LRRK2: variants seen among roughly 807,000 people sequenced by gnomAD.
LRRK2 encodes leucine rich repeat kinase 2.
LRRK2 carries 203 observed loss-of-function variants against 302.6 expected under a neutral mutation model. The observed-to-expected ratio is 0.67, with a 90% confidence interval of 0.60 to 0.75. The LOEUF is 0.75. Ranked by LOEUF, LRRK2 falls within the 30% of genes least tolerant of loss-of-function variation. The probability of loss-of-function intolerance (pLI) is 0.00; values close to 1 mark genes in which losing one functional copy is unlikely to be tolerated. For synonymous variants in LRRK2, 1,066 were observed against 1,031.9 expected, an observed-to-expected ratio of 1.03 and a Z score of -0.63; for missense variants, 2,830 against 2,951.0, an observed-to-expected ratio of 0.96 and a Z score of 0.95.
chr12:40,354,392 C>G lies in LRRK2; in HGVS notation c.6670C>G (p.Leu2224Val). Residue 2224 changes from leucine to valine, a missense_variant, in exon 45 of 51, where the codon CTC becomes GTC. Physicochemically the swap from Leu to Val is conservative, Grantham distance 32 (BLOSUM62 1). Coordinates refer to ENST00000298910, the MANE Select transcript of LRRK2 (RefSeq NM_198578.4). ...WIVSGTQSGT[L>V]LVINTEDGKK... ...TGTGTCTGGGACACAGTCTGGTACT[C>G]TCCTGGTCATCAATACCGAAGATGG... The G allele has an allele frequency of 6.2e-7, 1 of 1,614,066 alleles. No homozygotes were observed. The highest frequency in any genetic ancestry group is 1.1e-5 in the South Asian group (1 of 91,082).
intron 25 of LRRK2, chr12:40,300,819 G>A (rs138918107): frequency 2.1e-6 from 1 of 471,122 alleles, no homozygotes; most frequent in Non-Finnish European, 4.4e-6. Context: ...AAAGTTTCAG[G>A]ATGCTCTGTG....
At chr12:40,303,675 C>A (rs10878341) in intron 26 of LRRK2, among the ~76,000 whole-genome samples, 17 of 151,902 alleles carry the variant, frequency 1.1e-4, no homozygotes, top group African/African-American at 3.9e-4. Context: ...TACTCTACAG[C>A]GGTTCATCTC....
rs1946005964 is a variant in LRRK2 at position 40,340,467 on chromosome 12, G to T, written c.6109+13G>T. The T allele has an allele frequency of 6.2e-7, 1 of 1,613,610 alleles. No homozygotes were observed. The highest frequency in any genetic ancestry group is 1.7e-5 in the Admixed American group (1 of 59,980). ...GAGGGCACACCAGGTAGGTGATCAG[G>T]TCTGTCTCATAATTCTATCTTCAGG... On this transcript the variant is annotated intron_variant, in intron 41 of 50. Coordinates refer to ENST00000298910, the MANE Select transcript of LRRK2 (RefSeq NM_198578.4).
chr12:40,321,930 A>T, intron 35 of LRRK2, 105 bp from the exon 36 acceptor site: 1 of 1,139,548 alleles, frequency 8.8e-7, no homozygotes, highest in Non-Finnish European at 1.3e-6. Flanking sequence ...CCAATACTTT[A>T]TTTCAAAATG....
At chr12:40,292,901 C>T (rs922643315) in intron 20 of LRRK2, among the ~76,000 whole-genome samples, 17 of 151,644 alleles carry the variant, frequency 1.1e-4, no homozygotes, top group African/African-American at 4.1e-4. Context: ...TTATTGCCAG[C>T]CAAATTTATT....
At chr12:40,298,778 A>AATATATATATAT (rs113272586) in intron 24 of LRRK2, among the ~76,000 whole-genome samples, 1,443 of 60,654 alleles carry the variant, frequency 0.024, 158 homozygotes, top group Admixed American at 0.035. Flanking sequence ...GTCTCAAAGA[A>AATATATATATAT]ATATATATAT....
chr12:40,342,402 A>T (rs970087846), intron 41 of LRRK2, among the ~76,000 whole-genome samples: 2 of 152,084 alleles, frequency 1.3e-5, no homozygotes, highest in African/African-American at 4.8e-5. Context: ...ATATGGAGAC[A>T]GATCATGTCA....
intron 14 of LRRK2, among the ~76,000 whole-genome samples, chr12:40,273,381 A>C (rs1175298440): frequency 6.6e-6 from 1 of 152,200 alleles, no homozygotes; most frequent in Non-Finnish European, 1.5e-5. Context: ...AAATGAAATG[A>C]TGTCCAAGCT....
rs1271455262 is a variant in LRRK2 at position 40,346,891 on chromosome 12, T to C, written c.6248T>C (p.Phe2083Ser). The C allele has an allele frequency of 6.2e-7, 1 of 1,612,572 alleles. No homozygotes were observed. Among genetic ancestry groups the C allele is most frequent in the South Asian group, 1.1e-5 (1 of 90,554 alleles). The change falls in exon 42 of 51, where the codon TTT (phenylalanine) becomes TCT (serine). Residue 2083 changes from phenylalanine (F) to serine (S), a missense_variant. Coordinates refer to ENST00000298910, the MANE Select transcript of LRRK2 (RefSeq NM_198578.4). ...GAGGGTTTGAAGTTTCCAAATGAGTTTGATGAATTAGAAATACAAGGAAAA... is the reference window on the plus strand; with the variant it reads ...GAGGGTTTGAAGTTTCCAAATGAGTCTGATGAATTAGAAATACAAGGAAAA... The part of the protein sequence containing the change: ...IVEGLKFPNE[F>S]DELEIQGKLP...
At position 40,305,764 on chromosome 12, in the gene LRRK2, G is replaced by C. The variant is rs191499496; in HGVS notation, c.3778-21G>C. Reference sequence around the variant, plus strand: ...TTCTTCCTTCCCACCAACAGGTTTTGCCCTTTTTTTTCCCATTAAGATTCC... The same window carrying C: ...TTCTTCCTTCCCACCAACAGGTTTTCCCCTTTTTTTTCCCATTAAGATTCC... On this transcript the variant is annotated intron_variant, in intron 27 of 50. Transcript: ENST00000298910. 8.4e-5 allele frequency: 135 copies of C among 1,611,350 alleles called. No individual in the cohort carries two copies. The East Asian group carries it at 2.0e-3, about 24-fold the overall frequency.
chr12:40,362,338 C>T (rs1363844495), intron 47 of LRRK2, among the ~76,000 whole-genome samples: 2 of 151,982 alleles, frequency 1.3e-5, no homozygotes, highest in Non-Finnish European at 2.9e-5. Context: ...ATGGTATTTT[C>T]ATGTTATCTA....
chr12:40,254,044 G>C (rs559085370), intron 11 of LRRK2, among the ~76,000 whole-genome samples: 2 of 152,142 alleles, frequency 1.3e-5, no homozygotes, highest in South Asian at 4.2e-4. Context: ...CCTTTAGAAA[G>C]ACATGAGTTT....
chr12:40,265,867 T>C (rs916597112), intron 14 of LRRK2, among the ~76,000 whole-genome samples: 1 of 152,146 alleles, frequency 6.6e-6, no homozygotes, highest in African/African-American at 2.4e-5. Flanking sequence ...AACCATCTGA[T>C]CTTTGACAAA....
chr12:40,290,276 G>A (rs947136077), intron 20 of LRRK2, among the ~76,000 whole-genome samples: 24 of 152,008 alleles, frequency 1.6e-4, no homozygotes, highest in African/African-American at 5.3e-4. Context: ...ATCTCACTTG[G>A]TTATGGTACA....
chr12:40,227,609 C>T (rs1377969498), intron 2 of LRRK2, among the ~76,000 whole-genome samples: 1 of 152,166 alleles, frequency 6.6e-6, no homozygotes, highest in Non-Finnish European at 1.5e-5. Flanking sequence ...TCCAGTCCCA[C>T]CCATGCTGTT....
chr12:40,261,714 TGTTAA>T (rs1318049410), intron 13 of LRRK2, among the ~76,000 whole-genome samples: 3 of 152,248 alleles, frequency 2.0e-5, no homozygotes, highest in African/African-American at 7.2e-5. Flanking sequence ...GGTTTGAACA[TGTTAA>T]GTTGAGGTTC....
rs1459763604 is a variant in LRRK2, at chr12:40,299,089, A to T, written c.3348-20A>T. 9 of 1,610,352 alleles carry T rather than the reference A, an allele frequency of 5.6e-6. No homozygotes were observed. The Middle Eastern group carries it at 5.0e-4, about 89-fold the overall frequency. On this transcript the variant is annotated intron_variant, in intron 24 of 50. Transcript: ENST00000298910. Reference sequence around the variant, plus strand: ...TATGAATTTATGCAATTTAATCATTATCTTGTCTCTTGTGACTAGAAATAA... The same window carrying T: ...TATGAATTTATGCAATTTAATCATTTTCTTGTCTCTTGTGACTAGAAATAA...
chr12:40,234,630 G>A (rs1391455020), intron 3 of LRRK2, among the ~76,000 whole-genome samples: 1 of 151,916 alleles, frequency 6.6e-6, no homozygotes, highest in Non-Finnish European at 1.5e-5. Flanking sequence ...CCCCGCCTCG[G>A]CGTCCCAAAG....
At chr12:40,228,535 CCTTT>C (rs921374920) in intron 2 of LRRK2, among the ~76,000 whole-genome samples, 3 of 145,782 alleles carry the variant, frequency 2.1e-5, no homozygotes, top group African/African-American at 5.1e-5. Flanking sequence ...ATATTTTCTC[CCTTT>C]CTTTATGTTG....
Sources: gnomAD v4.1 joint callset for allele counts (sites outside exome capture counted in the v4.1 genomes callset) on GRCh38, gnomAD v4.1.1 for gene constraint, MANE v1.5 for transcripts, NCBI Gene and HGNC (gene_info 2026-07-23, HGNC 2026-07-21) for gene names.